Variants in PAIP1 observed in about 807,000 individuals in gnomAD.
PAIP1 encodes polyadenylate-binding protein-interacting protein 1.
In PAIP1, 16 loss-of-function variants were observed where a neutral mutation model predicts 61.3. That is an observed-to-expected ratio of 0.26 (90% CI 0.18 to 0.40). PAIP1 has a LOEUF of 0.40. Among genes scored for constraint, PAIP1 ranks in the 10% least tolerant of loss-of-function variants. PAIP1 has a pLI of 1.00. For missense variants in PAIP1, 416 were observed against 600.9 expected, an observed-to-expected ratio of 0.69 and a Z score of 3.22; for synonymous variants, 187 against 226.2, an observed-to-expected ratio of 0.83 and a Z score of 1.56.
intron 3 of PAIP1, 27 bp from the exon 4 acceptor site, chr5:43,543,143 T>C (rs1275742741): frequency 1.8e-5 from 20 of 1,139,948 alleles, no homozygotes; most frequent in Non-Finnish European, 2.4e-5. Flanking sequence ...AAGTGTTATA[T>C]GACATAGGTA....
intron 4 of PAIP1, among the ~76,000 whole-genome samples, chr5:43,542,483 A>C (rs1747453852): frequency 6.6e-6 from 1 of 151,518 alleles, no homozygotes; most frequent in Non-Finnish European, 1.5e-5. Context: ...GCAGTGAGCC[A>C]AGAGCGTGCC....
chr5:43,531,877 G>T lies in PAIP1; in HGVS notation c.1252+1861C>A, dbSNP rs1746956698. On this transcript the variant is annotated intron_variant, in intron 9 of 10. Coordinates refer to ENST00000306846, the MANE Select transcript of PAIP1 (RefSeq NM_006451.5). ...TGTGATGATCAGAAATAACAGAAGG[G>T]TTATAATTAAGAGATAAAACAAAAA... 2.0e-5 allele frequency among the ~76,000 whole-genome samples: 3 copies of T among 152,008 alleles called. No individual in the cohort carries two copies. In the South Asian group the frequency reaches 6.2e-4, roughly 31 times the overall value.
intron 4 of PAIP1, among the ~76,000 whole-genome samples, chr5:43,540,935 G>C (rs1428925913): frequency 1.3e-5 from 2 of 152,000 alleles, no homozygotes; most frequent in Non-Finnish European, 2.9e-5. Flanking sequence ...AGCCGGGGGT[G>C]AGAAGCACTG....
At chr5:43,547,097 T>G (rs1384675358) in intron 3 of PAIP1, among the ~76,000 whole-genome samples, 1 of 140,786 alleles carries the variant, frequency 7.1e-6, no homozygotes, top group Non-Finnish European at 1.5e-5. Flanking sequence ...ACCAATATGC[T>G]GGGATAAAAA....
chr5:43,556,283 C>T (rs1748069166), intron 1 of PAIP1: 20 of 1,269,628 alleles, frequency 1.6e-5, no homozygotes, highest in Non-Finnish European at 2.0e-5. Flanking sequence ...TGGTTACTCG[C>T]TAGGGTCTCG....
intron 5 of PAIP1, among the ~76,000 whole-genome samples, chr5:43,538,295 CTA>C (rs1186413894): frequency 6.6e-6 from 1 of 151,982 alleles, no homozygotes; most frequent in Non-Finnish European, 1.5e-5. Flanking sequence ...ACCATGATGA[CTA>C]TAGTTAACAA....
chr5:43,528,087 C>T (rs1045570978), intron 10 of PAIP1, among the ~76,000 whole-genome samples: 3 of 151,990 alleles, frequency 2.0e-5, no homozygotes, highest in Non-Finnish European at 2.9e-5. Flanking sequence ...TTAAGTATGG[C>T]GGGAAAGATT....
intron 4 of PAIP1, among the ~76,000 whole-genome samples, chr5:43,539,876 T>C (rs1747327174): frequency 6.6e-6 from 1 of 152,212 alleles, no homozygotes; most frequent in Admixed American, 6.5e-5. Context: ...AAGTTTATCA[T>C]TTTGTTATTA....
In PAIP1 at chr5:43,547,880, T is replaced by C. The variant is rs1225606316; in HGVS notation, c.469A>G (p.Thr157Ala). The change falls in exon 3 of 11, where the codon ACT (threonine) becomes GCT (alanine). Residue 157 changes from threonine (T) to alanine (A), a missense_variant. Physicochemically the swap from Thr to Ala is moderately conservative, Grantham distance 58. Transcript: ENST00000306846. ...SYEDGCEDYP[T>A]LSEYVQDFLN... ...AAATCCTGAACATATTCTGATAGAG[T>C]AGGATAATCCTCACAACCATCCTCA... The C allele has an allele frequency of 6.2e-7, 1 of 1,611,910 alleles. No homozygotes were observed. The highest frequency in any genetic ancestry group is 1.7e-5 in the Admixed American group (1 of 59,696).
chr5:43,531,794 G>T (rs1433198313), intron 9 of PAIP1, among the ~76,000 whole-genome samples: 1 of 151,772 alleles, frequency 6.6e-6, no homozygotes, highest in East Asian at 1.9e-4. Context: ...TAACTTTTCT[G>T]TAAGTTTGAA....
At chr5:43,529,984 T>C in intron 9 of PAIP1, 105 bp from the exon 10 acceptor site, 1 of 652,878 alleles carries the variant, frequency 1.5e-6, no homozygotes. Context: ...CCCCCCTGCA[T>C]GCTCAGAAAT....
chr5:43,551,356 T>C (rs534460208), intron 2 of PAIP1, among the ~76,000 whole-genome samples: 1 of 152,302 alleles, frequency 6.6e-6, no homozygotes, highest in South Asian at 2.1e-4. Context: ...TAACAAGGAA[T>C]TGGTTAAATA....
At chr5:43,555,739 C>T in intron 2 of PAIP1, 91 bp downstream of exon 2, 1 of 1,148,694 alleles carries the variant, frequency 8.7e-7, no homozygotes, top group Non-Finnish European at 1.2e-6. Context: ...ACGTGTAGTA[C>T]AGAAAGCACA....
chr5:43,532,030 A>G (rs1746963128), intron 9 of PAIP1, among the ~76,000 whole-genome samples: 1 of 152,154 alleles, frequency 6.6e-6, no homozygotes, highest in Non-Finnish European at 1.5e-5. Context: ...AAACTGTAAG[A>G]TTTCTTTTAC....
At chr5:43,539,156 T>C (rs1747287352) in intron 4 of PAIP1, 121 bp from the exon 5 acceptor site, 1 of 639,270 alleles carries the variant, frequency 1.6e-6, no homozygotes, top group Non-Finnish European at 2.8e-6. Context: ...CCCAATGCTC[T>C]TTCTACAATA....
In PAIP1 at chr5:43,556,592, C is replaced by T; in HGVS notation, c.255G>A (p.Gly85=). 8.0e-7 allele frequency: 1 copy of T among 1,252,822 alleles called. No individual in the cohort carries two copies. Among genetic ancestry groups the T allele is most frequent in the Non-Finnish European group, 1.0e-6 (1 of 994,418 alleles). 77.6% of individuals were successfully genotyped at this position (1,252,822 alleles called of 1,614,324 possible). The change falls in exon 1 of 11, where the codon GGG becomes GGA. Residue 85 remains glycine, a synonymous_variant. Coordinates refer to ENST00000306846, the MANE Select transcript of PAIP1 (RefSeq NM_006451.5). ...PASPQRPSRP[G]ALPEQTRPLR... is the part of the protein sequence containing the mutation. ...AGAGCTGCTCCGTACCTGGGAGCGCCCCGGGCCGGGAAGGCCGCTGGGGGC... is the reference window on the plus strand; with the variant it reads ...AGAGCTGCTCCGTACCTGGGAGCGCTCCGGGCCGGGAAGGCCGCTGGGGGC...
intron 3 of PAIP1, among the ~76,000 whole-genome samples, chr5:43,544,900 A>C (rs1353215406): frequency 1.3e-5 from 2 of 152,200 alleles, no homozygotes; most frequent in African/African-American, 2.4e-5. Flanking sequence ...AATCTCAAGC[A>C]TTTCAGATAC....
intron 8 of PAIP1, 121 bp from the exon 9 acceptor site, chr5:43,533,913 A>AACCT: frequency 1.5e-6 from 1 of 671,388 alleles, no homozygotes; most frequent in Non-Finnish European, 2.7e-6. Context: ...CAAGCAAAGG[A>AACCT]ACCTAACTTC....
chr5:43,552,988 G>C (rs1747922864), intron 2 of PAIP1, among the ~76,000 whole-genome samples: 1 of 152,186 alleles, frequency 6.6e-6, no homozygotes, highest in African/African-American at 2.4e-5. Flanking sequence ...TTACCTATTG[G>C]AGAATGATAC....
Sources: gnomAD v4.1 joint callset for allele counts (sites outside exome capture counted in the v4.1 genomes callset) on GRCh38, gnomAD v4.1.1 for gene constraint, MANE v1.5 for transcripts, NCBI Gene and HGNC (gene_info 2026-07-23, HGNC 2026-07-21) for gene names.